The following HOMER2 variants were observed in gnomAD, a reference collection of about 807,000 sequenced individuals.
The protein encoded by HOMER2 is homer protein homolog 2.
HOMER2 carries 27 observed loss-of-function variants against 47.0 expected under a neutral mutation model. The observed-to-expected ratio is 0.57, with a 90% CI of 0.42 to 0.79. The LOEUF (loss-of-function observed/expected upper bound fraction) is 0.79. Ranked by LOEUF, HOMER2 falls within the 30% of genes least tolerant of loss-of-function variation. The pLI, the probability that HOMER2 is intolerant of heterozygous loss-of-function variation, is 0.00. For missense variants in HOMER2, 443 were observed against 435.0 expected, an observed-to-expected ratio of 1.02 and a Z score of -0.16; for synonymous variants, 161 against 163.8, an observed-to-expected ratio of 0.98 and a Z score of 0.13.
chr15:82,968,862 C>T (rs535166951), intron 1 of HOMER2, among the ~76,000 whole-genome samples: 29 of 152,210 alleles, frequency 1.9e-4, no homozygotes, highest in Non-Finnish European at 3.8e-4. Context: ...TCTCAGCTGC[C>T]TTCACAGCCA....
chr15:82,904,942 T>G, intron 1 of HOMER2, among the ~76,000 whole-genome samples: 1 of 152,170 alleles, frequency 6.6e-6, no homozygotes, highest in Non-Finnish European at 1.5e-5. Flanking sequence ...TATGAGAACC[T>G]GCAGTCGTAA....
At position 82,854,712 on chromosome 15, in the gene HOMER2, C is replaced by T. The variant is rs1217473084; in HGVS notation, c.583G>A (p.Ala195Thr). The T allele has an allele frequency of 1.2e-6, 2 of 1,612,952 alleles. No homozygotes were observed. Among genetic ancestry groups the T allele is most frequent in the Middle Eastern group, 1.7e-4 (1 of 6,060 alleles). ...TGCCTCTTCCACTGCTCCACACTGG[C>T]TGCCGACTCCTGCAGTGCTGTGGTC... ...RLTTALQESA[A>T]SVEQWKRQFS... is the part of the protein sequence containing the mutation. Residue 195 changes from alanine to threonine, a missense_variant, in exon 6 of 9, where the codon GCC (alanine) becomes ACC (threonine). Physicochemically the swap from Ala to Thr is moderately conservative, Grantham distance 58. Transcript: ENST00000450735.
At chr15:82,844,495 AGTAT>A (rs1169043715), downstream of HOMER2, 2 of 152,234 alleles carry the variant, frequency 1.3e-5, no homozygotes, top group African/African-American at 4.8e-5. Context: ...GTTATAAAAC[AGTAT>A]GTATAATATG....
chr15:82,844,243 C>T (rs1218902751), downstream of HOMER2: 1 of 152,068 alleles, frequency 6.6e-6, no homozygotes, highest in African/African-American at 2.4e-5. Flanking sequence ...GGAAAGGAGC[C>T]GCAGATAGGG....
At chr15:82,957,702 A>G (rs761436937), upstream of HOMER2, among the ~76,000 whole-genome samples, 2 of 152,184 alleles carry the variant, frequency 1.3e-5, no homozygotes, top group Non-Finnish European at 2.9e-5. Context: ...CAATCAGGCC[A>G]AGGGCCTGCC....
At chr15:82,881,650 G>C (rs1210896564) in intron 2 of HOMER2, among the ~76,000 whole-genome samples, 1 of 152,234 alleles carries the variant, frequency 6.6e-6, no homozygotes, top group Non-Finnish European at 1.5e-5. Context: ...CTAATGAGGA[G>C]TGGACGAGCA....
intron 1 of HOMER2, among the ~76,000 whole-genome samples, chr15:82,972,601 G>C (rs11259963): frequency 0.59 from 89,924 of 151,852 alleles, 27,775 homozygotes; most frequent in African/African-American, 0.76. Flanking sequence ...CTGCCCACCT[G>C]GGCCTCCCAG....
At chr15:82,941,571 G>A (rs530017505) in intron 1 of HOMER2, among the ~76,000 whole-genome samples, 4 of 151,036 alleles carry the variant, frequency 2.6e-5, no homozygotes, top group African/African-American at 9.7e-5. Flanking sequence ...CCCACCCCAA[G>A]TCACCTCTTC....
intron 1 of HOMER2, among the ~76,000 whole-genome samples, chr15:82,984,037 T>TATTA (rs200959229): frequency 4.6e-5 from 6 of 130,624 alleles, no homozygotes; most frequent in Non-Finnish European, 8.7e-5. Flanking sequence ...TTATTATTAT[T>TATTA]TTTTTTTTTT....
chr15:82,870,985 C>T (rs1375301079), intron 3 of HOMER2, among the ~76,000 whole-genome samples: 1 of 152,256 alleles, frequency 6.6e-6, no homozygotes, highest in Non-Finnish European at 1.5e-5. Flanking sequence ...ACTTTAACCA[C>T]TGGCTCATTC....
intron 1 of HOMER2, among the ~76,000 whole-genome samples, chr15:82,902,786 T>C (rs1007185659): frequency 2.6e-5 from 4 of 152,204 alleles, no homozygotes; most frequent in African/African-American, 9.6e-5. Flanking sequence ...ATGTTCTCAA[T>C]TTTAAATACT....
intron 1 of HOMER2, among the ~76,000 whole-genome samples, chr15:82,970,490 C>T (rs1442130144): frequency 6.6e-6 from 1 of 152,114 alleles, no homozygotes; most frequent in East Asian, 1.9e-4. Flanking sequence ...CTTTTTTTAT[C>T]TTTGGTTTTG....
intron 1 of HOMER2, among the ~76,000 whole-genome samples, chr15:82,903,360 C>A (rs2053187850): frequency 1.3e-5 from 2 of 152,092 alleles, no homozygotes; most frequent in African/African-American, 4.8e-5. Context: ...CGCCTGTAAT[C>A]TCAACACCTT....
chr15:82,852,019 T>G (rs2051411047), intron 7 of HOMER2, 123 bp downstream of exon 7: 2 of 650,930 alleles, frequency 3.1e-6, no homozygotes, highest in East Asian at 5.5e-5. Flanking sequence ...CTCCCAGCTC[T>G]CTCTCCGTGC....
chr15:82,959,501 A>C (rs945328652), intron 1 of HOMER2, among the ~76,000 whole-genome samples: 4 of 152,206 alleles, frequency 2.6e-5, no homozygotes, highest in African/African-American at 9.6e-5. Flanking sequence ...GCCGGTCTGG[A>C]GAGTGGGCAC....
At chr15:82,957,629 G>A (rs1202138620), upstream of HOMER2, among the ~76,000 whole-genome samples, 1 of 152,066 alleles carries the variant, frequency 6.6e-6, no homozygotes, top group African/African-American at 2.4e-5. Flanking sequence ...GAAGACTATG[G>A]GCTGTCTCTT....
At chr15:82,868,103 CAT>C (rs1173948495) in intron 3 of HOMER2, among the ~76,000 whole-genome samples, 2 of 151,852 alleles carry the variant, frequency 1.3e-5, no homozygotes, top group African/African-American at 2.4e-5. Context: ...ATATTTTTTT[CAT>C]ATGATTGTTG....
intron 3 of HOMER2, among the ~76,000 whole-genome samples, chr15:82,871,135 T>C (rs1265648584): frequency 6.6e-6 from 1 of 152,240 alleles, no homozygotes; most frequent in Non-Finnish European, 1.5e-5. Flanking sequence ...AGTTTACTTC[T>C]GAGAAAACAC....
chr15:82,854,591 T>A (rs539923279), intron 6 of HOMER2, 53 bp downstream of exon 6: 7 of 1,555,248 alleles, frequency 4.5e-6, no homozygotes, highest in Non-Finnish European at 6.1e-6. Context: ...TGCCCCCATC[T>A]CCCACTGCCC....
Sources: allele counts gnomAD v4.1 joint callset (sites outside exome capture counted in the v4.1 genomes callset), GRCh38; gene constraint gnomAD v4.1.1; transcripts MANE v1.5; gene names NCBI Gene and HGNC (gene_info 2026-07-23, HGNC 2026-07-21).